Variants in PRKAR1B observed in about 807,000 individuals in gnomAD.
PRKAR1B encodes the protein protein kinase cAMP-dependent type I regulatory subunit beta, also known as cAMP-dependent protein kinase type I-beta regulatory subunit.
A neutral mutation model predicts 46.5 loss-of-function variants in PRKAR1B; 22 were observed. The observed-to-expected ratio is 0.47, with a 90% CI of 0.34 to 0.68. The LOEUF is 0.68. Ranked by LOEUF, PRKAR1B falls within the 30% of genes least tolerant of loss-of-function variation. PRKAR1B has a pLI of 0.01. For missense variants in PRKAR1B, 445 were observed against 535.6 expected (o/e 0.83, Z 1.67); for synonymous variants, 259 against 217.7 (o/e 1.19, Z -1.67).
At chr7:577,622 G>A (rs770085748) in intron 9 of PRKAR1B, among the ~76,000 whole-genome samples, 23 of 152,258 alleles carry the variant, frequency 1.5e-4, no homozygotes, top group East Asian at 3.9e-4. Context: ...GCCTCCGGAC[G>A]ACGGACGCAC....
intron 1 of PRKAR1B, among the ~76,000 whole-genome samples, chr7:722,988 C>T (rs1451301801): frequency 2.0e-5 from 3 of 152,206 alleles, no homozygotes; most frequent in Non-Finnish European, 4.4e-5. Context: ...ATTCTTCTGG[C>T]TCTCCTGGGA....
intron 2 of PRKAR1B, among the ~76,000 whole-genome samples, chr7:682,484 G>A (rs1249421201): frequency 5.9e-5 from 9 of 152,118 alleles, no homozygotes; most frequent in South Asian, 2.1e-4. Flanking sequence ...GGTGGTTCAC[G>A]CCTGTAACCC....
At chr7:650,839 G>A (rs1421179228) in intron 4 of PRKAR1B, among the ~76,000 whole-genome samples, 1 of 152,148 alleles carries the variant, frequency 6.6e-6, no homozygotes, top group East Asian at 1.9e-4. Flanking sequence ...GCCCAGAGGC[G>A]TCTGAGGCAA....
At position 606,182 on chromosome 7, in the gene PRKAR1B, G is replaced by C. The variant is rs1484620238; in HGVS notation, c.549+11C>G. On this transcript the variant is annotated intron_variant, in intron 6 of 10. Transcript: ENST00000537384. Reference sequence around the variant, plus strand: ...CGCGCTATTTTCCAAAGACAAGTTAGCGACACTCACATCCACTTCCCCTTG... The same window carrying C: ...CGCGCTATTTTCCAAAGACAAGTTACCGACACTCACATCCACTTCCCCTTG... 1.2e-6 allele frequency: 2 copies of C among 1,613,522 alleles called. No homozygotes were observed. The highest frequency in any genetic ancestry group is 2.7e-5 in the African/African-American group (2 of 74,894).
At chr7:682,773 GA>G (rs904337583) in intron 2 of PRKAR1B, among the ~76,000 whole-genome samples, 67 of 152,092 alleles carry the variant, frequency 4.4e-4, no homozygotes, top group Non-Finnish European at 8.1e-4. Flanking sequence ...TTAAGGAAAA[GA>G]GATTTCAACC....
chr7:645,833 C>T (rs76097754), intron 4 of PRKAR1B, among the ~76,000 whole-genome samples: 5,190 of 152,168 alleles, frequency 0.034, 114 homozygotes, highest in African/African-American at 0.056. Flanking sequence ...CCAGGGAGTA[C>T]AGGCAGGTTG....
chr7:706,993 C>T (rs1180563205), intron 2 of PRKAR1B, among the ~76,000 whole-genome samples: 1 of 152,242 alleles, frequency 6.6e-6, no homozygotes, highest in African/African-American at 2.4e-5. Context: ...CCCTCTCCAC[C>T]AGGGCTGCCG....
chr7:585,001 T>C (rs1412292795), intron 7 of PRKAR1B, among the ~76,000 whole-genome samples: 1 of 152,064 alleles, frequency 6.6e-6, no homozygotes, highest in Non-Finnish European at 1.5e-5. Context: ...TGACGTCAGC[T>C]AAGACCCTGG....
At chr7:721,287 T>C (rs781400335) in intron 1 of PRKAR1B, among the ~76,000 whole-genome samples, 1 of 152,200 alleles carries the variant, frequency 6.6e-6, no homozygotes, top group African/African-American at 2.4e-5. Context: ...GTCAGTGACA[T>C]TGACTTCTAT....
intron 7 of PRKAR1B, among the ~76,000 whole-genome samples, chr7:587,224 A>G (rs1041767708): frequency 8.6e-5 from 13 of 152,032 alleles, no homozygotes; most frequent in African/African-American, 2.9e-4. Flanking sequence ...AGTCTCCCCA[A>G]ACTTTCTTCT....
intron 1 of PRKAR1B, among the ~76,000 whole-genome samples, chr7:722,392 G>A (rs1781106030): frequency 4.0e-5 from 6 of 149,666 alleles, no homozygotes; most frequent in Admixed American, 4.0e-4. Flanking sequence ...GTAAGCCACT[G>A]CACCTGGCTA....
At chr7:693,966 A>C (rs1468077998) in intron 2 of PRKAR1B, among the ~76,000 whole-genome samples, 1 of 152,062 alleles carries the variant, frequency 6.6e-6, no homozygotes, top group Non-Finnish European at 1.5e-5. Flanking sequence ...TGGGTTTGGG[A>C]TGTACTGCCT....
At chr7:634,874 A>C (rs1783959578) in intron 4 of PRKAR1B, among the ~76,000 whole-genome samples, 1 of 151,204 alleles carries the variant, frequency 6.6e-6, no homozygotes, top group Non-Finnish European at 1.5e-5. Flanking sequence ...TCCTGACCTC[A>C]AGCGATCCGC....
At chr7:571,990 T>G (rs1181469431) in intron 9 of PRKAR1B, among the ~76,000 whole-genome samples, 1 of 152,192 alleles carries the variant, frequency 6.6e-6, no homozygotes. Context: ...AGATGACACT[T>G]CTGCTCCCAT....
intron 9 of PRKAR1B, among the ~76,000 whole-genome samples, chr7:554,207 C>G (rs1332947321): frequency 6.6e-6 from 1 of 152,246 alleles, no homozygotes; most frequent in African/African-American, 2.4e-5. Flanking sequence ...GGTGAGAACT[C>G]TGCTTCCTGG....
chr7:720,309 C>T (rs554552241), intron 1 of PRKAR1B, among the ~76,000 whole-genome samples: 7 of 152,270 alleles, frequency 4.6e-5, no homozygotes, highest in South Asian at 2.1e-4. Flanking sequence ...CCGCCTGCCT[C>T]GGCCTCCCAA....
chr7:610,636 T>G (rs183291576), intron 4 of PRKAR1B, among the ~76,000 whole-genome samples: 48 of 152,248 alleles, frequency 3.2e-4, no homozygotes, highest in African/African-American at 1.1e-3. Flanking sequence ...AGCCCCGAGG[T>G]GAGGTCAGCT....
rs1376648021 is a variant in PRKAR1B, at chr7:590,806, TCTC to T, written c.708+5337_708+5339del. Reference sequence around the variant, plus strand: ...AGACCAAGACGGTGCAGACGGCACTTCTCCACCCGCTGCGGGTGCCTGAACGAA... The same window carrying T: ...AGACCAAGACGGTGCAGACGGCACTTCACCCGCTGCGGGTGCCTGAACGAA... On this transcript the variant is annotated intron_variant, in intron 7 of 10. Transcript: ENST00000537384. 8.6e-5 allele frequency among the ~76,000 whole-genome samples: 13 copies of T among 152,022 alleles called. No homozygotes were observed. The South Asian group carries it at 2.7e-3, about 32-fold the overall frequency.
At chr7:643,956 C>T (rs377145533) in intron 4 of PRKAR1B, among the ~76,000 whole-genome samples, 5 of 152,120 alleles carry the variant, frequency 3.3e-5, no homozygotes, top group African/African-American at 7.2e-5. Flanking sequence ...CCAGACATCG[C>T]GGGGCAGGGA....
Sources: gnomAD v4.1 joint callset for allele counts (sites outside exome capture counted in the v4.1 genomes callset) on GRCh38, gnomAD v4.1.1 for gene constraint, MANE v1.5 for transcripts, NCBI Gene and HGNC (gene_info 2026-07-23, HGNC 2026-07-21) for gene names.